The following EPB41L2 variants were observed in gnomAD, a reference collection of about 807,000 sequenced individuals.
EPB41L2 encodes erythrocyte membrane protein band 4.1 like 2.
In EPB41L2, 43 loss-of-function variants were observed where a neutral mutation model predicts 113.0. The ratio of observed to expected loss-of-function variants is 0.38; its 90% confidence interval spans 0.30 to 0.49. The LOEUF is 0.49. EPB41L2 is among the 20% of genes least tolerant of loss of function. The probability of loss-of-function intolerance (pLI) is 0.95; values close to 1 mark genes in which losing one functional copy is unlikely to be tolerated. For synonymous variants in EPB41L2, 442 were observed against 436.7 expected, an observed-to-expected ratio of 1.01 and a Z score of -0.15; for missense variants, 1,147 against 1,223.4, an observed-to-expected ratio of 0.94 and a Z score of 0.93.
intron 8 of EPB41L2, among the ~76,000 whole-genome samples, chr6:130,897,908 A>C (rs1462629676): frequency 6.6e-6 from 1 of 152,148 alleles, no homozygotes; most frequent in Non-Finnish European, 1.5e-5. Context: ...ACTTGTAAAA[A>C]ATGAGATGGT....
chr6:131,057,496 T>G (rs1454684588), intron 1 of EPB41L2, among the ~76,000 whole-genome samples: 1 of 152,212 alleles, frequency 6.6e-6, no homozygotes, highest in Non-Finnish European at 1.5e-5. Flanking sequence ...TTCAAGCTAC[T>G]GGGATATGTA....
At chr6:130,875,536 T>C (rs1315129248) in intron 14 of EPB41L2, among the ~76,000 whole-genome samples, 1 of 152,178 alleles carries the variant, frequency 6.6e-6, no homozygotes, top group Non-Finnish European at 1.5e-5. Flanking sequence ...CGTGGATACA[T>C]TTTCACATGT....
intron 14 of EPB41L2, chr6:130,872,461 T>C: frequency 7.8e-7 from 1 of 1,289,386 alleles, no homozygotes; most frequent in Non-Finnish European, 1.0e-6. Context: ...AAGTGGTGGC[T>C]GAAGTGAAGG....
intron 1 of EPB41L2, among the ~76,000 whole-genome samples, chr6:131,025,445 T>C (rs73774383): frequency 0.026 from 3,993 of 152,302 alleles, 191 homozygotes; most frequent in African/African-American, 0.092. Flanking sequence ...GATTATTTCA[T>C]ATTACACTGC....
At chr6:130,990,069 C>T (rs970368821) in intron 1 of EPB41L2, among the ~76,000 whole-genome samples, 1 of 152,078 alleles carries the variant, frequency 6.6e-6, no homozygotes, top group Non-Finnish European at 1.5e-5. Context: ...ACCTGTAATC[C>T]CTGCACTTTG....
intron 1 of EPB41L2, among the ~76,000 whole-genome samples, chr6:131,016,934 T>C (rs1441270328): frequency 6.6e-6 from 1 of 152,146 alleles, no homozygotes; most frequent in Non-Finnish European, 1.5e-5. Context: ...AAAGCCACTA[T>C]AGTTACATTT....
intron 1 of EPB41L2, among the ~76,000 whole-genome samples, chr6:130,958,894 T>G (rs888956065): frequency 9.2e-5 from 14 of 152,224 alleles, no homozygotes; most frequent in Non-Finnish European, 2.1e-4. Context: ...TGTAATAAGA[T>G]TCTCATTTCA....
intron 1 of EPB41L2, among the ~76,000 whole-genome samples, chr6:130,974,170 G>C (rs1333962820): frequency 2.6e-5 from 4 of 152,014 alleles, no homozygotes; most frequent in African/African-American, 9.7e-5. Flanking sequence ...ATGAGGGTGG[G>C]GCCCTCATGA....
chr6:130,974,664 C>A (rs1321586133), intron 1 of EPB41L2, among the ~76,000 whole-genome samples: 1 of 150,732 alleles, frequency 6.6e-6, no homozygotes, highest in African/African-American at 2.4e-5. Flanking sequence ...TTTGGTCTGC[C>A]CTCAAAGCCA....
At chr6:130,940,292 C>T (rs987818330) in intron 3 of EPB41L2, among the ~76,000 whole-genome samples, 1 of 152,096 alleles carries the variant, frequency 6.6e-6, no homozygotes, top group Non-Finnish European at 1.5e-5. Context: ...TTGCCCTGAA[C>T]AAATGTTTCT....
chr6:130,870,206 CAG>C, intron 14 of EPB41L2, 80 bp from the exon 15 acceptor site: 8 of 1,533,704 alleles, frequency 5.2e-6, no homozygotes, highest in Non-Finnish European at 7.1e-6. Context: ...TAACCGATGG[CAG>C]ATTCATGTCA....
intron 3 of EPB41L2, among the ~76,000 whole-genome samples, chr6:130,950,908 T>C (rs76203108): frequency 0.018 from 2,675 of 152,158 alleles, 70 homozygotes; most frequent in African/African-American, 0.05. Context: ...ATGCAAAAAA[T>C]ACATTTGATA....
chr6:130,840,619 A>C (rs1192505042), intron 19 of EPB41L2, 21 bp from the exon 20 acceptor site: 7 of 152,008 alleles, frequency 4.6e-5, no homozygotes, highest in African/African-American at 9.7e-5. Flanking sequence ...AAAAAAAAAA[A>C]AAAACAGAAG....
chr6:130,925,151 T>A (rs1804216339), intron 4 of EPB41L2, among the ~76,000 whole-genome samples: 1 of 151,690 alleles, frequency 6.6e-6, no homozygotes, highest in Non-Finnish European at 1.5e-5. Context: ...TACCTTTTCT[T>A]ATGCAAAACT....
At chr6:130,866,770 T>G (rs540101784) in intron 16 of EPB41L2, among the ~76,000 whole-genome samples, 3 of 152,242 alleles carry the variant, frequency 2.0e-5, no homozygotes, top group Non-Finnish European at 2.9e-5. Context: ...ATGCTTTATC[T>G]TTTTTTGTTA....
chr6:130,944,162 T>TACAC (rs537919934), intron 3 of EPB41L2, among the ~76,000 whole-genome samples: 12,539 of 132,608 alleles, frequency 0.095, 634 homozygotes, highest in Admixed American at 0.12. Context: ...TATACGTACA[T>TACAC]ACACACACAT....
intron 10 of EPB41L2, among the ~76,000 whole-genome samples, chr6:130,892,320 C>T (rs1019917445): frequency 2.7e-5 from 4 of 150,202 alleles, no homozygotes; most frequent in Non-Finnish European, 4.4e-5. Flanking sequence ...AAATAGACCA[C>T]GATATAAAGC....
At chr6:131,039,079 T>C (rs539646224) in intron 1 of EPB41L2, among the ~76,000 whole-genome samples, 2 of 152,216 alleles carry the variant, frequency 1.3e-5, no homozygotes, top group Non-Finnish European at 2.9e-5. Context: ...AATTCAGTTA[T>C]ACATTTAAAC....
At chr6:130,967,602 T>G (rs1775634006) in intron 1 of EPB41L2, among the ~76,000 whole-genome samples, 1 of 152,128 alleles carries the variant, frequency 6.6e-6, no homozygotes, top group African/African-American at 2.4e-5. Flanking sequence ...CTATTAAATG[T>G]CTAAGCTGGT....
Sources: allele counts gnomAD v4.1 joint callset (sites outside exome capture counted in the v4.1 genomes callset), GRCh38; gene constraint gnomAD v4.1.1; transcripts MANE v1.5; gene names NCBI Gene and HGNC (gene_info 2026-07-23, HGNC 2026-07-21).